The following PDE3B variants were observed in gnomAD, a reference collection of about 807,000 sequenced individuals.
PDE3B encodes the protein phosphodiesterase 3B, also known as cGMP-inhibited 3',5'-cyclic phosphodiesterase 3B.
Under a neutral mutation model 116.8 loss-of-function variants are expected in PDE3B, and 66 were observed. The ratio of observed to expected loss-of-function variants is 0.56; its 90% CI spans 0.46 to 0.69. PDE3B has a LOEUF of 0.69. Ranked by LOEUF, PDE3B falls within the 30% of genes least tolerant of loss-of-function variation. PDE3B has a pLI of 0.00. For synonymous variants in PDE3B, 595 were observed against 533.6 expected (o/e 1.12, Z -1.59); for missense variants, 1,384 against 1,368.1 (o/e 1.01, Z -0.18).
chr11:14,879,505 C>A, the PDE3B span: 1 of 1,321,806 alleles, frequency 7.6e-7, no homozygotes, highest in African/African-American at 1.5e-5. Flanking sequence ...AAAGTTATTT[C>A]CCTCTGGAAT....
chr11:14,799,939 A>G (rs1456829755), intron 4 of PDE3B, among the ~76,000 whole-genome samples: 1 of 151,930 alleles, frequency 6.6e-6, no homozygotes, highest in Non-Finnish European at 1.5e-5. Context: ...TTTACGTTTA[A>G]GGTTAATATG....
intron 1 of PDE3B, among the ~76,000 whole-genome samples, chr11:14,646,910 G>C (rs1311134868): frequency 6.6e-6 from 1 of 151,956 alleles, no homozygotes; most frequent in Non-Finnish European, 1.5e-5. Context: ...CTTCTAATAG[G>C]AACATTTTTG....
At position 14,782,803 on chromosome 11, in the gene PDE3B, T is replaced by C. The variant is rs553869815; in HGVS notation, c.1030-3634T>C. Among the ~76,000 whole-genome samples the C allele has an allele frequency of 3.5e-4, 53 of 152,168 alleles. No individual in the cohort carries two copies. The Middle Eastern group carries it at 0.01, about 29-fold the overall frequency. ...AGAGCTTCTGCACAGCAAAAGAAAC[T>C]ACCATCAGAATGAACAGGCAACCTA... On this transcript the variant is annotated intron_variant, in intron 2 of 15. Transcript: ENST00000282096.
At chr11:14,652,753 G>C (rs1440424579) in intron 1 of PDE3B, among the ~76,000 whole-genome samples, 4 of 152,104 alleles carry the variant, frequency 2.6e-5, no homozygotes, top group Non-Finnish European at 5.9e-5. Context: ...GAGGACTTTA[G>C]ATACCTCATA....
intron 1 of PDE3B, among the ~76,000 whole-genome samples, chr11:14,703,336 CAT>C (rs879874956): frequency 2.0e-5 from 3 of 151,328 alleles, no homozygotes; most frequent in Non-Finnish European, 4.4e-5. Flanking sequence ...GTATTTCAAA[CAT>C]GTGGAGAAGT....
intron 1 of PDE3B, among the ~76,000 whole-genome samples, chr11:14,747,102 G>A (rs1471557338): frequency 6.6e-6 from 1 of 152,122 alleles, no homozygotes; most frequent in East Asian, 1.9e-4. Flanking sequence ...GTTGGGGGAG[G>A]TGCCATGCTC....
chr11:14,783,822 CAGTA>C (rs1455668398), intron 2 of PDE3B, among the ~76,000 whole-genome samples: 1 of 152,084 alleles, frequency 6.6e-6, no homozygotes, highest in African/African-American at 2.4e-5. Context: ...AAGAATCTGT[CAGTA>C]AGAGATTTAC....
chr11:14,668,481 A>G (rs1216625362), intron 1 of PDE3B, among the ~76,000 whole-genome samples: 1 of 152,170 alleles, frequency 6.6e-6, no homozygotes, highest in African/African-American at 2.4e-5. Context: ...TTTTTAATGA[A>G]TACACTAAAC....
chr11:14,765,130 G>A (rs1346398187), intron 1 of PDE3B, among the ~76,000 whole-genome samples: 1 of 151,948 alleles, frequency 6.6e-6, no homozygotes, highest in Admixed American at 6.6e-5. Context: ...AGTTTCATTA[G>A]CATAGATTTA....
At chr11:14,721,057 T>G (rs1856056616) in intron 1 of PDE3B, among the ~76,000 whole-genome samples, 2 of 138,622 alleles carry the variant, frequency 1.4e-5, no homozygotes, top group South Asian at 5.0e-4. Flanking sequence ...GAATCTACAA[T>G]GAACTCAAAC....
chr11:14,746,298 G>C (rs146635129), intron 1 of PDE3B, among the ~76,000 whole-genome samples: 2 of 152,236 alleles, frequency 1.3e-5, no homozygotes, highest in East Asian at 3.9e-4. Flanking sequence ...GGAGGCTGAG[G>C]CACAAGAACC....
chr11:14,782,835 G>A (rs1858057554), intron 2 of PDE3B, among the ~76,000 whole-genome samples: 1 of 152,148 alleles, frequency 6.6e-6, no homozygotes, highest in Admixed American at 6.5e-5. Flanking sequence ...CCTACAGAAT[G>A]GGAGAAAATT....
chr11:14,712,855 A>G (rs554357605), intron 1 of PDE3B, among the ~76,000 whole-genome samples: 13 of 152,364 alleles, frequency 8.5e-5, no homozygotes, highest in African/African-American at 2.2e-4. Context: ...TAGGAGAATT[A>G]AATACAAATC....
intron 1 of PDE3B, among the ~76,000 whole-genome samples, chr11:14,661,279 A>C (rs879818976): frequency 2.2e-4 from 34 of 152,370 alleles, no homozygotes; most frequent in Non-Finnish European, 3.7e-4. Flanking sequence ...CAAATGTCCA[A>C]CAATGATAGA....
rs1207099633 is a variant in PDE3B, at chr11:14,830,832, G to C, written c.1942G>C (p.Glu648Gln). Residue 648 changes from glutamate (E) to glutamine (Q), a missense_variant, in exon 8 of 16, where the codon GAA becomes CAA. Glu to Gln is a conservative substitution (Grantham distance 29). This residue lies in a region of PDE3B where 956 missense variants were observed against 806.8 expected (regional missense o/e 1.18). Transcript: ENST00000282096. Reference sequence around the variant, plus strand: ...GTGGCTAACAGAAGAGGCACAGAGTGAACAGCAAACAAATGTAAAAGATAA... The same window carrying C: ...GTGGCTAACAGAAGAGGCACAGAGTCAACAGCAAACAAATGTAAAAGATAA... ...DKWLTEEAQS[E>Q]QQTNIEQEVS... 6.7e-7 allele frequency: 1 copy of C among 1,497,092 alleles called. No homozygotes were observed. The highest frequency in any genetic ancestry group is 1.4e-5 in the South Asian group (1 of 69,900). The allele number at this position is 1,497,092 out of a possible 1,614,324, so 92.7% of individuals were successfully genotyped here. A position where few individuals can be genotyped will look rare whatever the true frequency, so the allele number is the denominator to read the frequency against.
intron 1 of PDE3B, among the ~76,000 whole-genome samples, chr11:14,702,784 A>G (rs1855406038): frequency 6.6e-6 from 1 of 151,922 alleles, no homozygotes; most frequent in Non-Finnish European, 1.5e-5. Flanking sequence ...GTGCAGATAT[A>G]GGACATTTCC....
chr11:14,740,831 T>C (rs761511053), intron 1 of PDE3B, among the ~76,000 whole-genome samples: 2 of 152,218 alleles, frequency 1.3e-5, no homozygotes, highest in Non-Finnish European at 2.9e-5. Context: ...AAAGAATTTA[T>C]TCATTTCTGC....
At chr11:14,658,658 C>A (rs1237240224) in intron 1 of PDE3B, among the ~76,000 whole-genome samples, 2 of 152,170 alleles carry the variant, frequency 1.3e-5, no homozygotes, top group East Asian at 3.9e-4. Flanking sequence ...CCAGATGTCA[C>A]CTTTCTTGTA....
the PDE3B span, among the ~76,000 whole-genome samples, chr11:14,898,339 T>C: frequency 4.6e-5 from 7 of 152,086 alleles, no homozygotes; most frequent in Admixed American, 1.3e-4. Flanking sequence ...GGCATAGTGC[T>C]CCTCACCTCC....
Sources: gnomAD v4.1 joint callset for allele counts (sites outside exome capture counted in the v4.1 genomes callset) on GRCh38, gnomAD v4.1.1 for gene constraint, gnomAD v4.1.1 regional missense constraint, MANE v1.5 for transcripts, NCBI Gene and HGNC (gene_info 2026-07-23, HGNC 2026-07-21) for gene names.